NKAIN2: variants seen among roughly 807,000 people sequenced by gnomAD.
The protein encoded by NKAIN2 is sodium/potassium transporting ATPase interacting 2.
In NKAIN2, 14 loss-of-function variants were observed where a neutral mutation model predicts 32.6. The observed-to-expected ratio is 0.43, with a 90% confidence interval of 0.28 to 0.67. The LOEUF is 0.67. Ranked by LOEUF, NKAIN2 falls within the 30% of genes least tolerant of loss-of-function variation. The pLI, the probability that NKAIN2 is intolerant of heterozygous loss-of-function variation, is 0.17. For missense variants in NKAIN2, 198 were observed against 258.3 expected, an observed-to-expected ratio of 0.77 and a Z score of 1.60; for synonymous variants, 80 against 87.2, an observed-to-expected ratio of 0.92 and a Z score of 0.46.
intron 3 of NKAIN2, among the ~76,000 whole-genome samples, chr6:124,591,198 C>T (rs1781898746): frequency 6.6e-6 from 1 of 152,170 alleles, no homozygotes; most frequent in Non-Finnish European, 1.5e-5. Flanking sequence ...TTGGAATGTA[C>T]CATCACATGA....
At chr6:123,988,930 A>C (rs1006979206) in intron 1 of NKAIN2, among the ~76,000 whole-genome samples, 5 of 151,440 alleles carry the variant, frequency 3.3e-5, no homozygotes, top group African/African-American at 1.2e-4. Flanking sequence ...TTTGCTGCTG[A>C]TGATCAATCA....
In NKAIN2 at chr6:124,399,989, C is replaced by T. The variant is rs553971921; in HGVS notation, c.273+44642C>T. On this transcript the variant is annotated intron_variant, in intron 3 of 6. Coordinates refer to ENST00000368417, the MANE Select transcript of NKAIN2 (RefSeq NM_001040214.3). ...GCTTTAGGAAGAAGAATGCTTCCTC[C>T]TATTTGATAAAAATAAATTAGAGAC... is the stretch of plus-strand genomic sequence containing the variant. Among the ~76,000 whole-genome samples the T allele has an allele frequency of 2.6e-5, 4 of 152,200 alleles. No individual in the cohort carries two copies. The East Asian group carries it at 7.7e-4, about 29-fold the overall frequency.
intron 4 of NKAIN2, among the ~76,000 whole-genome samples, chr6:124,767,056 G>GGGTAATTT (rs1778545934): frequency 6.6e-6 from 1 of 151,894 alleles, no homozygotes; most frequent in African/African-American, 2.4e-5. Context: ...CATCACGCCC[G>GGGTAATTT]GGTAATTTTT....
intron 1 of NKAIN2, among the ~76,000 whole-genome samples, chr6:123,865,504 A>G (rs1484536003): frequency 6.6e-6 from 1 of 151,934 alleles, no homozygotes; most frequent in Non-Finnish European, 1.5e-5. Flanking sequence ...TTTATTTTTT[A>G]TGATTGATTC....
chr6:124,810,685 G>C (rs915198138), intron 5 of NKAIN2, among the ~76,000 whole-genome samples: 1 of 151,888 alleles, frequency 6.6e-6, no homozygotes, highest in Non-Finnish European at 1.5e-5. Context: ...ATTTGTTTCT[G>C]ATACAAGTAA....
At chr6:124,227,386 A>G (rs1040281481) in intron 1 of NKAIN2, among the ~76,000 whole-genome samples, 3 of 152,174 alleles carry the variant, frequency 2.0e-5, no homozygotes, top group African/African-American at 7.2e-5. Context: ...AAACTCTTCT[A>G]ATATTGAAGT....
chr6:124,819,945 T>C (rs1390853889), intron 6 of NKAIN2, among the ~76,000 whole-genome samples: 3 of 152,178 alleles, frequency 2.0e-5, no homozygotes, highest in Non-Finnish European at 4.4e-5. Context: ...ATTCATGCTG[T>C]TCTCTTGACA....
intron 1 of NKAIN2, among the ~76,000 whole-genome samples, chr6:123,917,994 T>C (rs1345990243): frequency 6.6e-6 from 1 of 152,272 alleles, no homozygotes; most frequent in South Asian, 2.1e-4. Context: ...AAACTTGTAA[T>C]TAAGTAGATC....
At chr6:124,506,984 CA>C (rs1394149255) in intron 3 of NKAIN2, among the ~76,000 whole-genome samples, 7 of 152,216 alleles carry the variant, frequency 4.6e-5, no homozygotes, top group Non-Finnish European at 1.0e-4. Context: ...ACAGAAGCTC[CA>C]AGTGACTCAT....
At chr6:124,664,103 C>T (rs999070189) in intron 4 of NKAIN2, among the ~76,000 whole-genome samples, 4 of 151,916 alleles carry the variant, frequency 2.6e-5, no homozygotes, top group East Asian at 2.0e-4. Flanking sequence ...GCTGAAACCC[C>T]GTCTCTACTA....
intron 1 of NKAIN2, among the ~76,000 whole-genome samples, chr6:124,239,981 AATAG>A (rs1210807852): frequency 2.6e-5 from 4 of 152,186 alleles, no homozygotes; most frequent in African/African-American, 4.8e-5. Context: ...GGATTGAAAA[AATAG>A]ATAGACCACT....
intron 4 of NKAIN2, among the ~76,000 whole-genome samples, chr6:124,752,151 A>T (rs1224590716): frequency 6.6e-6 from 1 of 152,042 alleles, no homozygotes; most frequent in African/African-American, 2.4e-5. Context: ...TTACAACCCC[A>T]CATCATGGCC....
At chr6:124,244,986 T>C (rs1793317925) in intron 1 of NKAIN2, among the ~76,000 whole-genome samples, 1 of 152,122 alleles carries the variant, frequency 6.6e-6, no homozygotes, top group South Asian at 2.1e-4. Context: ...CTTATATATA[T>C]TCCTAGTGCA....
intron 4 of NKAIN2, among the ~76,000 whole-genome samples, chr6:124,730,613 G>C (rs1197651851): frequency 7.1e-6 from 1 of 140,158 alleles, no homozygotes; most frequent in South Asian, 2.4e-4. Context: ...AACCCTAGAA[G>C]AAAACCTAGG....
chr6:124,817,032 C>T (rs967654006), intron 5 of NKAIN2, among the ~76,000 whole-genome samples: 1 of 152,108 alleles, frequency 6.6e-6, no homozygotes, highest in Non-Finnish European at 1.5e-5. Context: ...CAGACAGGCA[C>T]AGAGGGGATG....
chr6:124,538,390 C>T (rs150118771), intron 3 of NKAIN2, among the ~76,000 whole-genome samples: 2 of 152,118 alleles, frequency 1.3e-5, no homozygotes, highest in East Asian at 3.9e-4. Context: ...TCTAAGGTCA[C>T]TTGTTGCACG....
At chr6:124,438,993 C>T (rs1040393899) in intron 3 of NKAIN2, among the ~76,000 whole-genome samples, 2 of 152,110 alleles carry the variant, frequency 1.3e-5, no homozygotes, top group Non-Finnish European at 2.9e-5. Context: ...ATATATGGAG[C>T]TTCAATTACC....
At chr6:124,407,273 C>A (rs921152993) in intron 3 of NKAIN2, among the ~76,000 whole-genome samples, 28 of 151,928 alleles carry the variant, frequency 1.8e-4, no homozygotes. Context: ...TATACATGTG[C>A]CATGTTGGTG....
intron 4 of NKAIN2, among the ~76,000 whole-genome samples, chr6:124,759,588 A>AACACACACACAC (rs542448143): frequency 1.4e-4 from 12 of 84,492 alleles, no homozygotes; most frequent in African/African-American, 5.8e-4. Flanking sequence ...CTGAAATTGC[A>AACACACACACAC]ACACACACAC....
Sources: gnomAD v4.1 joint callset for allele counts (sites outside exome capture counted in the v4.1 genomes callset) on GRCh38, gnomAD v4.1.1 for gene constraint, MANE v1.5 for transcripts, NCBI Gene and HGNC (gene_info 2026-07-23, HGNC 2026-07-21) for gene names.